The following DET1 variants were observed in gnomAD, a reference collection of about 807,000 sequenced individuals.
DET1 encodes the protein DET1 homolog.
DET1 carries 22 observed loss-of-function variants against 43.7 expected under a neutral mutation model. The ratio of observed to expected loss-of-function variants is 0.50; its 90% confidence interval spans 0.36 to 0.72. The LOEUF (loss-of-function observed/expected upper bound fraction) is 0.72, where lower values mean the gene tolerates loss of function less well. Among genes scored for constraint, DET1 ranks in the 30% least tolerant of loss-of-function variants. The probability of loss-of-function intolerance (pLI) is 0.00; values close to 1 mark genes in which losing one functional copy is unlikely to be tolerated. For synonymous variants in DET1, 315 were observed against 266.2 expected (o/e 1.18, Z -1.79); for missense variants, 713 against 713.3 (o/e 1.00, Z 0.00).
intron 1 of DET1, among the ~76,000 whole-genome samples, chr15:88,532,457 T>C (rs1279181619): frequency 1.3e-5 from 2 of 152,086 alleles, no homozygotes; most frequent in Non-Finnish European, 2.9e-5. Flanking sequence ...AGATAAAAAA[T>C]TCATCCTAAA....
intron 3 of DET1, among the ~76,000 whole-genome samples, chr15:88,517,816 T>C (rs1162210062): frequency 1.3e-5 from 2 of 152,222 alleles, no homozygotes; most frequent in African/African-American, 4.8e-5. Flanking sequence ...GCTACCTATA[T>C]TCCTGCAGAG....
chr15:88,531,081 A>C lies in DET1; in HGVS notation c.625T>G (p.Phe209Val). 1 of 1,613,974 alleles carries C rather than the reference A, an allele frequency of 6.2e-7. No homozygotes were observed. Among genetic ancestry groups the C allele is most frequent in the Non-Finnish European group, 8.5e-7 (1 of 1,179,870 alleles). The change falls in exon 2 of 5, where the codon TTC (phenylalanine) becomes GTC (valine). Residue 209 changes from phenylalanine (F) to valine (V), a missense_variant. By Grantham distance (50) the Phe-to-Val change is conservative. Coordinates refer to ENST00000268148, the MANE Select transcript of DET1 (RefSeq NM_001144074.3). This position sits in a 1 kb window ranked among gnomAD's most constrained non-coding sequence, Gnocchi z 6.2. ...HTGRLCDTRTFKCDKVVLSHN... is the reference protein window; with the variant it reads ...HTGRLCDTRTVKCDKVVLSHN... Reference sequence around the variant, plus strand: ...GACAAGACCACCTTGTCACACTTGAACGTGCGTGTATCACATAAGCGGCCG... The same window carrying C: ...GACAAGACCACCTTGTCACACTTGACCGTGCGTGTATCACATAAGCGGCCG...
chr15:88,518,877 G>T (rs1326562841), intron 3 of DET1, among the ~76,000 whole-genome samples: 3 of 152,158 alleles, frequency 2.0e-5, no homozygotes, highest in Non-Finnish European at 4.4e-5. Flanking sequence ...TCCCCCTAAA[G>T]AAAGCCTAGC....
intron 3 of DET1, among the ~76,000 whole-genome samples, chr15:88,525,740 C>A (rs2056643786): frequency 5.3e-5 from 8 of 151,414 alleles, no homozygotes; most frequent in Admixed American, 5.3e-4. Flanking sequence ...TGGCTCATTA[C>A]AACCTTTGCC....
At chr15:88,527,870 A>C in intron 2 of DET1, 84 bp from the exon 3 acceptor site, 1 of 1,094,704 alleles carries the variant, frequency 9.1e-7, no homozygotes, top group Non-Finnish European at 1.2e-6. Context: ...CTTGGCTGAA[A>C]ATTCAAGGCA....
intron 4 of DET1, among the ~76,000 whole-genome samples, chr15:88,515,974 C>A (rs1274342802): frequency 2.0e-5 from 3 of 152,004 alleles, no homozygotes; most frequent in African/African-American, 7.2e-5. Context: ...CTCTAATTTC[C>A]CAAAGGAAAT....
At chr15:88,508,679 A>C (rs577086955), downstream of DET1, among the ~76,000 whole-genome samples, 9 of 150,536 alleles carry the variant, frequency 6.0e-5, no homozygotes, top group African/African-American at 2.2e-4. Flanking sequence ...TGACCTGGAC[A>C]ACTGCAGTTT....
intron 3 of DET1, among the ~76,000 whole-genome samples, chr15:88,524,307 C>T (rs1049545312): frequency 6.6e-6 from 1 of 151,678 alleles, no homozygotes; most frequent in Non-Finnish European, 1.5e-5. Context: ...AAGTGAGGAG[C>T]GTCTCCGCCC....
chr15:88,510,775 T>G (rs1424644086), downstream of DET1, among the ~76,000 whole-genome samples: 1 of 150,562 alleles, frequency 6.6e-6, no homozygotes, highest in African/African-American at 2.4e-5. Flanking sequence ...TTTTTTGTTT[T>G]TTTTTTTTTG....
In DET1 at chr15:88,546,652, A is replaced by C. The variant is rs1383074319; in HGVS notation, c.-123T>G. The C allele has an allele frequency of 6.6e-6, 1 of 150,632 alleles. No individual in the cohort carries two copies. Among genetic ancestry groups the C allele is most frequent in the Non-Finnish European group, 1.5e-5 (1 of 67,920 alleles). The allele number at this position is 150,632 out of a possible 1,614,324, so 9.3% of individuals were successfully genotyped here. A position where few individuals can be genotyped will look rare whatever the true frequency, so the allele number is the denominator to read the frequency against. On this transcript the variant is annotated 5_prime_UTR_variant, in exon 1 of 5. Transcript: ENST00000268148. Reference sequence around the variant, plus strand: ...CCAGGACTCCTGCACCCGCGGCTGCACGTTCCCGTTTCCGCCAGCCACCGG... The same window carrying C: ...CCAGGACTCCTGCACCCGCGGCTGCCCGTTCCCGTTTCCGCCAGCCACCGG...
exon 8 of DET1, chr15:88,503,908 G>A (rs1326862792): frequency 6.6e-6 from 1 of 151,780 alleles, no homozygotes; most frequent in Non-Finnish European, 1.5e-5. Flanking sequence ...GCTGAGACGG[G>A]AGGATCGTTT....
chr15:88,529,424 C>T (rs1253460299), intron 2 of DET1, among the ~76,000 whole-genome samples: 1 of 152,052 alleles, frequency 6.6e-6, no homozygotes, highest in Non-Finnish European at 1.5e-5. Context: ...TAAGATGAAC[C>T]AGATGCTCAC....
In DET1 at chr15:88,527,668, G is replaced by A. The variant is rs1355787558; in HGVS notation, c.1202C>T (p.Thr401Ile). 6.2e-7 allele frequency: 1 copy of A among 1,613,680 alleles called. No individual in the cohort carries two copies. The highest frequency in any genetic ancestry group is 1.3e-5 in the African/African-American group (1 of 74,888). Residue 401 changes from threonine (T) to isoleucine (I), a missense_variant, in exon 3 of 5, where the codon ACC becomes ATC. Thr to Ile is a moderately conservative substitution (Grantham distance 89). Coordinates refer to ENST00000268148, the MANE Select transcript of DET1 (RefSeq NM_001144074.3). ...ENFCDLFRNA[T>I]LHSEVQFPCS... ...GGGAAACTGAACTTCACTGTGCAGGGTAGCATTACGAAAAAGGTCACAGAA... is the reference window on the plus strand; with the variant it reads ...GGGAAACTGAACTTCACTGTGCAGGATAGCATTACGAAAAAGGTCACAGAA...
At position 88,516,776 on chromosome 15, in the gene DET1, C is replaced by T; in HGVS notation, c.1463+6G>A. ...GCAGTTTGTAGCTATAGCAGTGACA[C>T]TGTACCTGATTGGGTGATCTCCACA... On this transcript the variant is annotated splice_donor_region_variant and intron_variant, in intron 4 of 4. Coordinates refer to ENST00000268148, the MANE Select transcript of DET1 (RefSeq NM_001144074.3). The surrounding 1 kb of genome is among the most constrained non-coding windows in gnomAD (Gnocchi z 4.4). 6.4e-7 allele frequency: 1 copy of T among 1,563,286 alleles called. No homozygotes were observed. Among genetic ancestry groups the T allele is most frequent in the African/African-American group, 1.4e-5 (1 of 72,058 alleles).
chr15:88,546,193 A>C (rs2057249328), intron 1 of DET1: 1 of 153,686 alleles, frequency 6.5e-6, no homozygotes, highest in Non-Finnish European at 1.5e-5. Flanking sequence ...AATTCGTCTC[A>C]AAGTGTGGCG....
chr15:88,508,582 G>T (rs369912231), downstream of DET1, among the ~76,000 whole-genome samples: 1 of 152,214 alleles, frequency 6.6e-6, no homozygotes, highest in African/African-American at 2.4e-5. Context: ...TCTTGGTATA[G>T]AGACAAATCA....
At position 88,516,187 on chromosome 15, in the gene DET1, C is replaced by G. The variant is rs374615722; in HGVS notation, c.1463+595G>C. Among the ~76,000 whole-genome samples the G allele has an allele frequency of 3.9e-5, 6 of 152,300 alleles. No individual in the cohort carries two copies. The highest frequency in any genetic ancestry group is 1.4e-4 in the African/African-American group (6 of 41,564). On this transcript the variant is annotated intron_variant, in intron 4 of 4. Transcript: ENST00000268148. The surrounding 1 kb of genome is among the most constrained non-coding windows in gnomAD (Gnocchi z 4.4). ...ACTAGTGACAATAATTCCAGCTCCT[C>G]CCCCTAATATTATTACAGCACACAG...
chr15:88,509,619 A>G (rs1229680799), downstream of DET1, among the ~76,000 whole-genome samples: 1 of 152,256 alleles, frequency 6.6e-6, no homozygotes, highest in Admixed American at 6.5e-5. Context: ...TAGGCTGAAT[A>G]ACGAAAGACG....
At chr15:88,527,194 C>CT (rs2056685927) in intron 3 of DET1, among the ~76,000 whole-genome samples, 1 of 152,236 alleles carries the variant, frequency 6.6e-6, no homozygotes, top group Non-Finnish European at 1.5e-5. Context: ...GTTTATACCT[C>CT]TTATTCCTTT....
Sources: gnomAD v4.1 joint callset for allele counts (sites outside exome capture counted in the v4.1 genomes callset) on GRCh38, gnomAD v4.1.1 for gene constraint, Gnocchi (gnomAD v3.1) non-coding constraint, MANE v1.5 for transcripts, NCBI Gene and HGNC (gene_info 2026-07-23, HGNC 2026-07-21) for gene names.